TENM4: variants seen among roughly 807,000 people sequenced by gnomAD.
TENM4 encodes the protein teneurin-4.
In TENM4, 82 loss-of-function variants were observed where a neutral mutation model predicts 243.3. The ratio of observed to expected loss-of-function variants is 0.34; its 90% CI spans 0.28 to 0.40. The LOEUF is 0.40. Among genes scored for constraint, TENM4 ranks in the 10% least tolerant of loss-of-function variants. The pLI, the probability that TENM4 is intolerant of heterozygous loss-of-function variation, is 1.00. For missense variants in TENM4, 3,138 were observed against 3,673.3 expected (o/e 0.85, Z 3.77); for synonymous variants, 1,412 against 1,456.3 (o/e 0.97, Z 0.69).
chr11:79,296,971 A>G (rs1856465630), intron 2 of TENM4, among the ~76,000 whole-genome samples: 1 of 152,222 alleles, frequency 6.6e-6, no homozygotes, highest in Non-Finnish European at 1.5e-5. Flanking sequence ...GACTGGGACT[A>G]AATACCCTGG....
chr11:78,926,466 G>A (rs946174243), intron 6 of TENM4, among the ~76,000 whole-genome samples: 1 of 151,848 alleles, frequency 6.6e-6, no homozygotes. Flanking sequence ...TAGAAACGGG[G>A]TTTCACCATA....
chr11:79,074,127 T>C (rs1279223251), intron 4 of TENM4, among the ~76,000 whole-genome samples: 1 of 152,246 alleles, frequency 6.6e-6, no homozygotes, highest in Non-Finnish European at 1.5e-5. Context: ...AACATTCGCC[T>C]GGTTCTCATT....
At position 79,123,615 on chromosome 11, in the gene TENM4, TA is replaced by T. The variant is rs1298152020; in HGVS notation, c.-66+25094del. On this transcript the variant is annotated intron_variant, in intron 4 of 33. Coordinates refer to ENST00000278550, the MANE Select transcript of TENM4 (RefSeq NM_001098816.3). ...CAGTAGCCCCTTTTTTTTTTTTTTT[TA>T]TTAAGAATTTACTGAGCACTCACTG... 6.1e-4 allele frequency among the ~76,000 whole-genome samples: 91 copies of T among 150,390 alleles called. No individual in the cohort carries two copies. In the East Asian group the frequency reaches 8.3e-3, roughly 14 times the overall value.
chr11:78,725,305 G>A (rs1429303611), intron 23 of TENM4, among the ~76,000 whole-genome samples: 2 of 152,208 alleles, frequency 1.3e-5, no homozygotes, highest in East Asian at 3.8e-4. Flanking sequence ...CTGAAAACAT[G>A]CTGTGGTTTT....
At chr11:78,873,057 C>T (rs1251406222) in intron 9 of TENM4, among the ~76,000 whole-genome samples, 1 of 152,182 alleles carries the variant, frequency 6.6e-6, no homozygotes, top group African/African-American at 2.4e-5. Context: ...TTTAAAATCA[C>T]ACAGAACAGA....
intron 17 of TENM4, among the ~76,000 whole-genome samples, chr11:78,777,268 AT>A (rs1183680414): frequency 6.6e-6 from 1 of 152,188 alleles, no homozygotes; most frequent in Non-Finnish European, 1.5e-5. Context: ...GGACCAGCAC[AT>A]GAAATATGAA....
intron 6 of TENM4, among the ~76,000 whole-genome samples, chr11:79,064,044 G>A (rs140094886): frequency 3.3e-5 from 5 of 151,482 alleles, no homozygotes; most frequent in African/African-American, 7.3e-5. Flanking sequence ...CCTGTGGAAC[G>A]ATTAAATCAA....
At chr11:79,009,845 ACC>A (rs1858596748) in intron 6 of TENM4, among the ~76,000 whole-genome samples, 1 of 152,056 alleles carries the variant, frequency 6.6e-6, no homozygotes, top group Non-Finnish European at 1.5e-5. Flanking sequence ...CTGTGTCCCC[ACC>A]CAAATCTCAC....
chr11:79,184,795 G>A (rs961733238), intron 3 of TENM4, among the ~76,000 whole-genome samples: 1 of 152,002 alleles, frequency 6.6e-6, no homozygotes, highest in Admixed American at 6.6e-5. Flanking sequence ...GGAGATGGAC[G>A]GTTGTACAAC....
intron 15 of TENM4, among the ~76,000 whole-genome samples, chr11:78,803,466 CA>C (rs1322813457): frequency 6.6e-6 from 1 of 151,994 alleles, no homozygotes; most frequent in Admixed American, 6.6e-5. Flanking sequence ...TTGAAACCCC[CA>C]AAAAAAGATT....
intron 27 of TENM4, among the ~76,000 whole-genome samples, chr11:78,706,788 A>G (rs554997665): frequency 6.6e-6 from 1 of 152,260 alleles, no homozygotes; most frequent in South Asian, 2.1e-4. Context: ...TTGAGGGCCC[A>G]TTTTGAGAAT....
chr11:79,013,829 C>T (rs1858708525), intron 6 of TENM4, among the ~76,000 whole-genome samples: 1 of 152,206 alleles, frequency 6.6e-6, no homozygotes, highest in Admixed American at 6.5e-5. Context: ...TCAACTGCAT[C>T]CCAGCCAGAG....
chr11:79,421,763 G>A (rs973816169), intron 1 of TENM4, among the ~76,000 whole-genome samples: 1 of 151,244 alleles, frequency 6.6e-6, no homozygotes, highest in African/African-American at 2.4e-5. Flanking sequence ...GGCTGATCTC[G>A]ATCTACAGTA....
At chr11:78,737,686 T>C (rs1412575125) in intron 20 of TENM4, among the ~76,000 whole-genome samples, 1 of 152,176 alleles carries the variant, frequency 6.6e-6, no homozygotes, top group Non-Finnish European at 1.5e-5. Flanking sequence ...CAAAATATTC[T>C]CATTGCCTGT....
chr11:79,317,298 T>C (rs1174114113), intron 1 of TENM4, among the ~76,000 whole-genome samples: 1 of 152,174 alleles, frequency 6.6e-6, no homozygotes, highest in African/African-American at 2.4e-5. Context: ...CTATCCTCCA[T>C]AATGAGCCAT....
chr11:78,901,697 G>A (rs928697275), intron 7 of TENM4, among the ~76,000 whole-genome samples: 1 of 152,082 alleles, frequency 6.6e-6, no homozygotes, highest in African/African-American at 2.4e-5. Flanking sequence ...TGAGCACATT[G>A]GAAATAATGG....
intron 2 of TENM4, among the ~76,000 whole-genome samples, chr11:79,265,213 T>G (rs182657745): frequency 4.0e-4 from 61 of 152,254 alleles, no homozygotes; most frequent in Non-Finnish European, 5.3e-4. Flanking sequence ...ACAGGCCATT[T>G]CTTGTTTGAC....
At chr11:79,036,326 C>T (rs1447545454) in intron 6 of TENM4, among the ~76,000 whole-genome samples, 1 of 152,238 alleles carries the variant, frequency 6.6e-6, no homozygotes, top group Non-Finnish European at 1.5e-5. Flanking sequence ...ACCTGCATCA[C>T]CAGCTATCTT....
intron 4 of TENM4, among the ~76,000 whole-genome samples, chr11:79,085,388 A>AG (rs1555005369): frequency 0.13 from 17,442 of 132,116 alleles, 1,482 homozygotes; most frequent in East Asian, 0.31. Context: ...AAAAAAAAAA[A>AG]GGGGGGTTTT....
Sources: gnomAD v4.1 joint callset for allele counts (sites outside exome capture counted in the v4.1 genomes callset) on GRCh38, gnomAD v4.1.1 for gene constraint, MANE v1.5 for transcripts, NCBI Gene and HGNC (gene_info 2026-07-23, HGNC 2026-07-21) for gene names.